The following GLIS3 variants were observed in gnomAD, a reference collection of about 807,000 sequenced individuals.
GLIS3 encodes GLIS family zinc finger 3.
A neutral mutation model predicts 78.6 loss-of-function variants in GLIS3; 53 were observed. That is an observed-to-expected ratio of 0.67 (90% CI 0.54 to 0.85). GLIS3 has a LOEUF of 0.85. Ranked by LOEUF, GLIS3 falls within the 40% of genes least tolerant of loss-of-function variation. The probability of loss-of-function intolerance (pLI) is 0.00; values close to 1 mark genes in which losing one functional copy is unlikely to be tolerated. For missense variants in GLIS3, 1,703 were observed against 1,231.1 expected (o/e 1.38, Z -5.74); for synonymous variants, 684 against 509.9 (o/e 1.34, Z -4.60).
intron 4 of GLIS3, among the ~76,000 whole-genome samples, chr9:4,045,645 C>A (rs1307399664): frequency 9.9e-5 from 15 of 152,176 alleles, no homozygotes; most frequent in Middle Eastern, 3.4e-3. Flanking sequence ...CTGAACTTTT[C>A]TTTTGTACAT....
At chr9:4,397,171 G>T in the GLIS3 span, among the ~76,000 whole-genome samples, 1 of 134,792 alleles carries the variant, frequency 7.4e-6, no homozygotes, top group Non-Finnish European at 1.6e-5. Context: ...GACTACAGGT[G>T]CCCGCCACTA....
chr9:4,465,070 T>A, the GLIS3 span, among the ~76,000 whole-genome samples: 28 of 152,386 alleles, frequency 1.8e-4, no homozygotes, highest in Admixed American at 5.9e-4. Context: ...TATATTTGCA[T>A]ACTTAACCTA....
chr9:4,139,760 T>C (rs1833668544), intron 2 of GLIS3, among the ~76,000 whole-genome samples: 1 of 152,168 alleles, frequency 6.6e-6, no homozygotes, highest in Non-Finnish European at 1.5e-5. Context: ...GCACGCAACC[T>C]AGATCCCTCA....
chr9:4,366,454 C>G, the GLIS3 span, among the ~76,000 whole-genome samples: 3 of 152,150 alleles, frequency 2.0e-5, no homozygotes, highest in East Asian at 5.8e-4. Flanking sequence ...ATTGGCTTGA[C>G]TAGATTTTTC....
chr9:4,219,624 A>T (rs1471963155), intron 2 of GLIS3, among the ~76,000 whole-genome samples: 1 of 152,180 alleles, frequency 6.6e-6, no homozygotes, highest in Non-Finnish European at 1.5e-5. Context: ...GAAAGATAAA[A>T]TACCTCCAGT....
chr9:4,338,747 G>C (rs899360753), intron 2 of GLIS3, among the ~76,000 whole-genome samples: 1 of 152,180 alleles, frequency 6.6e-6, no homozygotes, highest in African/African-American at 2.4e-5. Context: ...GCTGCAAGTA[G>C]AAAGTAGAGG....
the GLIS3 span, chr9:4,386,657 G>C: frequency 1.3e-5 from 2 of 152,174 alleles, no homozygotes; most frequent in Non-Finnish European, 2.9e-5. Flanking sequence ...TTTGGGAGTT[G>C]AAATACCCCC....
At chr9:4,256,102 A>G (rs953739988) in intron 2 of GLIS3, among the ~76,000 whole-genome samples, 2 of 152,206 alleles carry the variant, frequency 1.3e-5, no homozygotes, top group Admixed American at 6.5e-5. Context: ...TAAAGGTAAA[A>G]TAACAATGGT....
chr9:4,262,200 C>T (rs1018794908), intron 2 of GLIS3, among the ~76,000 whole-genome samples: 3 of 152,108 alleles, frequency 2.0e-5, no homozygotes, highest in African/African-American at 4.8e-5. Context: ...GAAAACTCTC[C>T]GGCTACCTCC....
At chr9:4,024,151 C>A (rs937094487) in intron 4 of GLIS3, among the ~76,000 whole-genome samples, 5 of 152,052 alleles carry the variant, frequency 3.3e-5, no homozygotes, top group Non-Finnish European at 7.4e-5. Flanking sequence ...AGAGCCAGAG[C>A]GAGGCAATTC....
intron 4 of GLIS3, among the ~76,000 whole-genome samples, chr9:4,003,865 T>G (rs535935333): frequency 6.6e-6 from 1 of 152,336 alleles, no homozygotes; most frequent in African/African-American, 2.4e-5. Context: ...TGGATTACCC[T>G]ATGAGATTTG....
At chr9:3,937,244 T>G (rs1053284882) in intron 4 of GLIS3, 55 bp from the exon 5 acceptor site, 1 of 1,589,666 alleles carries the variant, frequency 6.3e-7, no homozygotes, top group Non-Finnish European at 8.6e-7. Context: ...TGTTTGAGTC[T>G]GGGGGACAGC....
At chr9:4,486,019 G>C in the GLIS3 span, among the ~76,000 whole-genome samples, 5 of 152,146 alleles carry the variant, frequency 3.3e-5, no homozygotes, top group African/African-American at 9.7e-5. Context: ...GCCGCACCTG[G>C]CCCGACTTTT....
At chr9:4,157,391 G>C (rs1835118622) in intron 2 of GLIS3, among the ~76,000 whole-genome samples, 1 of 152,134 alleles carries the variant, frequency 6.6e-6, no homozygotes, top group South Asian at 2.1e-4. Context: ...TTTGCATGTA[G>C]TTGAAAAAGG....
At chr9:4,445,970 G>T in the GLIS3 span, among the ~76,000 whole-genome samples, 1 of 152,128 alleles carries the variant, frequency 6.6e-6, no homozygotes, top group Admixed American at 6.5e-5. Flanking sequence ...AGACTTTCTT[G>T]TTTTCCCTAG....
chr9:3,895,392 C>CTGTT (rs1405172143), intron 7 of GLIS3, among the ~76,000 whole-genome samples: 4 of 152,172 alleles, frequency 2.6e-5, no homozygotes, highest in African/African-American at 4.8e-5. Context: ...CTTGGCCTTC[C>CTGTT]TGTTTGTTAG....
Position 4,286,457 on chromosome 9 carries a change from A to G in GLIS3, c.-32T>C. Reference sequence around the variant, plus strand: ...AAACCTGTGGCCAAGACGGTCAAATATCCAATGTCACTAATGACTCCTTTC... The same window carrying G: ...AAACCTGTGGCCAAGACGGTCAAATGTCCAATGTCACTAATGACTCCTTTC... On this transcript the variant is annotated 5_prime_UTR_variant, in exon 2 of 11. Transcript: ENST00000381971. The G allele has an allele frequency of 1.2e-6, 2 of 1,612,216 alleles. No homozygotes were observed. Among genetic ancestry groups the G allele is most frequent in the Non-Finnish European group, 1.7e-6 (2 of 1,179,870 alleles).
At chr9:4,392,081 G>A in the GLIS3 span, among the ~76,000 whole-genome samples, 18 of 152,168 alleles carry the variant, frequency 1.2e-4, no homozygotes, top group Admixed American at 3.9e-4. Flanking sequence ...CAAGGAATGA[G>A]ATCATGTCCT....
At chr9:3,889,024 T>A (rs551705389) in intron 7 of GLIS3, among the ~76,000 whole-genome samples, 1 of 152,314 alleles carries the variant, frequency 6.6e-6, no homozygotes, top group African/African-American at 2.4e-5. Context: ...CTTTAATTTA[T>A]GTGTCTAGGA....
Sources: allele counts gnomAD v4.1 joint callset (sites outside exome capture counted in the v4.1 genomes callset), GRCh38; gene constraint gnomAD v4.1.1; transcripts MANE v1.5; gene names NCBI Gene and HGNC (gene_info 2026-07-23, HGNC 2026-07-21).